The following DDHD1 variants were observed in gnomAD, a reference collection of about 807,000 sequenced individuals.
DDHD1 encodes the protein phospholipase DDHD1.
A neutral mutation model predicts 96.4 loss-of-function variants in DDHD1; 49 were observed. That is an observed-to-expected ratio of 0.51 (90% CI 0.40 to 0.64). DDHD1 has a LOEUF of 0.64. DDHD1 is among the 30% of genes least tolerant of loss of function. The pLI is 0.00. For missense variants in DDHD1, 1,106 were observed against 1,161.2 expected, an observed-to-expected ratio of 0.95 and a Z score of 0.69; for synonymous variants, 442 against 446.5, an observed-to-expected ratio of 0.99 and a Z score of 0.13.
intron 1 of DDHD1, among the ~76,000 whole-genome samples, chr14:53,108,802 T>TTC (rs1887892149): frequency 6.6e-6 from 1 of 152,220 alleles, no homozygotes; most frequent in South Asian, 2.1e-4. Flanking sequence ...GAGTTTAGAT[T>TTC]TCTGCTTCTA....
At chr14:53,111,498 G>C (rs139921574) in intron 1 of DDHD1, among the ~76,000 whole-genome samples, 2 of 152,212 alleles carry the variant, frequency 1.3e-5, no homozygotes, top group African/African-American at 4.8e-5. Flanking sequence ...TTCTGAATTA[G>C]AAAGACAAAA....
Position 53,093,457 on chromosome 14 carries a change from G to A in DDHD1, c.1013-13C>T, listed in dbSNP as rs752995994. The A allele has an allele frequency of 9.4e-6, 15 of 1,600,516 alleles. No individual in the cohort carries two copies. The South Asian group carries it at 1.7e-4, about 19-fold the overall frequency. On this transcript the variant is annotated splice_polypyrimidine_tract_variant and intron_variant, in intron 2 of 12. Transcript: ENST00000673822. The stretch of plus-strand genomic sequence containing the variant: ...AAACTATGAACAGCTATTGCAAAAA[G>A]GAAAAGCTAATTTGAAGGTCTCCAA...
rs533488371 is a variant in DDHD1 at position 53,130,188 on chromosome 14, C to G, written c.838+22073G>C. Among the ~76,000 whole-genome samples the G allele has an allele frequency of 9.2e-5, 14 of 152,292 alleles. No homozygotes were observed. In the East Asian group the frequency reaches 2.7e-3, roughly 30 times the overall value. ...ATCTTTCTATCACCTCCCCTCCTCA[C>G]ACCCGGTCTAGATTACAGTTTTGTT... On this transcript the variant is annotated intron_variant, in intron 1 of 12. Coordinates refer to ENST00000673822, the MANE Select transcript of DDHD1 (RefSeq NM_001160148.2).
intron 2 of DDHD1, among the ~76,000 whole-genome samples, chr14:53,102,347 T>TAGTA (rs1887367128): frequency 6.6e-6 from 1 of 152,048 alleles, no homozygotes. Flanking sequence ...CTAGAGCTCT[T>TAGTA]ACACTGGGCT....
intron 2 of DDHD1, among the ~76,000 whole-genome samples, chr14:53,101,233 G>A (rs899669678): frequency 3.3e-5 from 5 of 152,130 alleles, no homozygotes; most frequent in South Asian, 2.1e-4. Context: ...TGATTTTCCC[G>A]ACAATGGTAG....
chr14:53,100,350 G>A (rs1319175180), intron 2 of DDHD1, among the ~76,000 whole-genome samples: 3 of 151,980 alleles, frequency 2.0e-5, no homozygotes, highest in African/African-American at 4.8e-5. Context: ...GTGTGGTAGT[G>A]TACACCTTCT....
intron 1 of DDHD1, among the ~76,000 whole-genome samples, chr14:53,113,869 T>C (rs1888334722): frequency 6.6e-6 from 1 of 152,122 alleles, no homozygotes; most frequent in Admixed American, 6.5e-5. Context: ...GGAACCCCAG[T>C]GAGACTTCAC....
At chr14:53,110,848 C>T (rs552569878) in intron 1 of DDHD1, among the ~76,000 whole-genome samples, 11 of 152,200 alleles carry the variant, frequency 7.2e-5, no homozygotes, top group Middle Eastern at 3.4e-3. Flanking sequence ...GGTGGTAACA[C>T]GCCTGTAATC....
intron 1 of DDHD1, among the ~76,000 whole-genome samples, chr14:53,123,697 CA>C (rs772818959): frequency 1.4e-4 from 21 of 151,716 alleles, no homozygotes; most frequent in Non-Finnish European, 2.5e-4. Flanking sequence ...CTAAAACAAG[CA>C]AAAAATGCCA....
rs1167663009 is a variant in DDHD1 at position 53,038,097 on chromosome 14, G to A, written c.*8671C>T. 6.6e-6 allele frequency: 1 copy of A among 152,072 alleles called. No homozygotes were observed. The highest frequency in any genetic ancestry group is 1.5e-5 in the Non-Finnish European group (1 of 68,012). 9.4% of individuals were successfully genotyped at this position (152,072 alleles called of 1,614,324 possible). On this transcript the variant is annotated 3_prime_UTR_variant, in exon 13 of 13. Coordinates refer to ENST00000673822, the MANE Select transcript of DDHD1 (RefSeq NM_001160148.2). ...CCAACCCACAGACATCATACTGGAT[G>A]AGCAAAAGCTGGAACTATTCCTTCT...
At chr14:53,094,148 G>A (rs1466655456) in intron 2 of DDHD1, among the ~76,000 whole-genome samples, 3 of 151,420 alleles carry the variant, frequency 2.0e-5, no homozygotes, top group South Asian at 2.1e-4. Context: ...CTGCACTCCC[G>A]CCTGGGCTAC....
rs186329276 is a variant in DDHD1 at position 53,118,007 on chromosome 14, A to G, written c.839-14151T>C. Among the ~76,000 whole-genome samples, 9 of 152,288 alleles carry G rather than the reference A, an allele frequency of 5.9e-5. No homozygotes were observed. The East Asian group carries it at 1.7e-3, about 29-fold the overall frequency. On this transcript the variant is annotated intron_variant, in intron 1 of 12. Coordinates refer to ENST00000673822, the MANE Select transcript of DDHD1 (RefSeq NM_001160148.2). ...TTGTTCTGCAGCCTCCGCTGGTGATACCCAGGCAAACAGGGTCTGGAGTGG... is the reference window on the plus strand; with the variant it reads ...TTGTTCTGCAGCCTCCGCTGGTGATGCCCAGGCAAACAGGGTCTGGAGTGG...
In DDHD1 at chr14:53,054,848, AATAT is replaced by A; in HGVS notation, c.2246-223_2246-220del. On this transcript the variant is annotated intron_variant, in intron 10 of 12. Coordinates refer to ENST00000673822, the MANE Select transcript of DDHD1 (RefSeq NM_001160148.2). ...ATAAGCTCTAGGAATATAACACAGG[AATAT>A]ATAAACAAAGGAATAAAGATTCTAT... 2.0e-5 allele frequency among the ~76,000 whole-genome samples: 3 copies of A among 152,332 alleles called. No homozygotes were observed. The East Asian group carries it at 5.8e-4, about 29-fold the overall frequency.
At chr14:53,150,487 T>C (rs1891269336) in intron 1 of DDHD1, among the ~76,000 whole-genome samples, 1 of 152,236 alleles carries the variant, frequency 6.6e-6, no homozygotes, top group Non-Finnish European at 1.5e-5. Context: ...ATAATCAATG[T>C]CAAAAATCAC....
At chr14:53,074,635 C>T (rs1884797284) in intron 4 of DDHD1, among the ~76,000 whole-genome samples, 1 of 151,744 alleles carries the variant, frequency 6.6e-6, no homozygotes, top group Non-Finnish European at 1.5e-5. Context: ...AATTTTTTTA[C>T]ACTTGTTTAA....
chr14:53,088,665 A>G (rs1255180088), intron 4 of DDHD1, among the ~76,000 whole-genome samples: 15 of 152,168 alleles, frequency 9.9e-5, no homozygotes, highest in Non-Finnish European at 1.8e-4. Context: ...TTGATGGAAC[A>G]TATCTCAAAA....
chr14:53,145,049 C>T (rs1595269339), intron 1 of DDHD1, among the ~76,000 whole-genome samples: 1 of 152,114 alleles, frequency 6.6e-6, no homozygotes, highest in East Asian at 1.9e-4. Context: ...ACTTGGGAGG[C>T]TGAGGAACGA....
intron 2 of DDHD1, among the ~76,000 whole-genome samples, chr14:53,102,315 A>G (rs1378132501): frequency 6.6e-6 from 1 of 152,060 alleles, no homozygotes; most frequent in Non-Finnish European, 1.5e-5. Context: ...AAAGTATTAC[A>G]TGGCAATCTG....
At chr14:53,083,046 G>A (rs1885625631) in intron 4 of DDHD1, among the ~76,000 whole-genome samples, 1 of 152,104 alleles carries the variant, frequency 6.6e-6, no homozygotes, top group Non-Finnish European at 1.5e-5. Context: ...AGAGAAATGA[G>A]AATCAGCCTT....
Sources: allele counts gnomAD v4.1 joint callset (sites outside exome capture counted in the v4.1 genomes callset), GRCh38; gene constraint gnomAD v4.1.1; transcripts MANE v1.5; gene names NCBI Gene and HGNC (gene_info 2026-07-23, HGNC 2026-07-21).